The following CUX1 variants were observed in gnomAD, a reference collection of about 807,000 sequenced individuals.
CUX1 encodes protein CASP.
A neutral mutation model predicts 158.8 loss-of-function variants in CUX1; 31 were observed. That is an observed-to-expected ratio of 0.20 (90% CI 0.15 to 0.26). CUX1 has a LOEUF of 0.26. CUX1 is among the 10% of genes least tolerant of loss of function. The pLI is 1.00. For synonymous variants in CUX1, 879 were observed against 862.1 expected, an observed-to-expected ratio of 1.02 and a Z score of -0.34; for missense variants, 1,589 against 2,014.6, an observed-to-expected ratio of 0.79 and a Z score of 4.04.
intron 2 of CUX1, among the ~76,000 whole-genome samples, chr7:101,983,141 TTA>T (rs1813690673): frequency 6.6e-6 from 1 of 152,174 alleles, no homozygotes; most frequent in Non-Finnish European, 1.5e-5. Context: ...ACGGAGATGT[TTA>T]TGTCATTGGC....
chr7:102,270,940 C>A (rs1280741299), intron 14 of CUX1, among the ~76,000 whole-genome samples: 1 of 152,200 alleles, frequency 6.6e-6, no homozygotes, highest in Non-Finnish European at 1.5e-5. Flanking sequence ...GGCCCACGCA[C>A]CCCATCATCT....
intron 2 of CUX1, among the ~76,000 whole-genome samples, chr7:102,009,622 C>G (rs910991088): frequency 1.3e-5 from 2 of 152,220 alleles, no homozygotes; most frequent in Non-Finnish European, 1.5e-5. Context: ...TAAAATAATT[C>G]AGGTGAGTTC....
intron 8 of CUX1, among the ~76,000 whole-genome samples, chr7:102,149,199 C>T (rs1835348107): frequency 6.6e-6 from 1 of 152,120 alleles, no homozygotes; most frequent in Admixed American, 6.6e-5. Flanking sequence ...ACAGCCGTAC[C>T]TCTCTATCCC....
At chr7:101,930,926 G>A (rs1381029344) in intron 2 of CUX1, among the ~76,000 whole-genome samples, 4 of 152,116 alleles carry the variant, frequency 2.6e-5, no homozygotes, top group Admixed American at 6.5e-5. Flanking sequence ...GCGAAACCCC[G>A]TCTCTACTAA....
At chr7:101,897,121 C>T (rs911178220) in intron 1 of CUX1, among the ~76,000 whole-genome samples, 5 of 152,236 alleles carry the variant, frequency 3.3e-5, no homozygotes, top group South Asian at 4.1e-4. Flanking sequence ...CTATTTAGGA[C>T]GCATCTGCGA....
At chr7:102,164,684 G>A (rs1441095388) in intron 9 of CUX1, among the ~76,000 whole-genome samples, 1 of 152,184 alleles carries the variant, frequency 6.6e-6, no homozygotes, top group African/African-American at 2.4e-5. Context: ...AGCTGTTCCC[G>A]ACCTCCTTCC....
intron 5 of CUX1, among the ~76,000 whole-genome samples, chr7:102,100,968 C>CT (rs1829709241): frequency 6.6e-6 from 1 of 152,120 alleles, no homozygotes. Flanking sequence ...CCTCAGGAAG[C>CT]TTTTACTCAT....
At position 102,277,838 on chromosome 7, in the gene CUX1, C is replaced by T. The variant is rs1791713475; in HGVS notation, c.1564-111C>T. On this transcript the variant is annotated intron_variant, in intron 17 of 22. Coordinates refer to the CUX1 transcript ENST00000292538. Reference sequence around the variant, plus strand: ...GAAGGGGCAGCTTTACAGAGTCAGGCAGGTCAAGGAGAAGGCTGTGGGCAC... The same window carrying T: ...GAAGGGGCAGCTTTACAGAGTCAGGTAGGTCAAGGAGAAGGCTGTGGGCAC... 12 of 566,282 alleles carry T rather than the reference C, an allele frequency of 2.1e-5. No homozygotes were observed. The South Asian group carries it at 3.3e-4, about 16-fold the overall frequency. 35.1% of individuals were successfully genotyped at this position (566,282 alleles called of 1,614,324 possible).
chr7:102,040,281 G>A (rs1380174317), intron 3 of CUX1, among the ~76,000 whole-genome samples: 3 of 152,172 alleles, frequency 2.0e-5, no homozygotes, highest in Non-Finnish European at 4.4e-5. Flanking sequence ...CAGGGAGGAT[G>A]ACGGAACATC....
At chr7:102,171,051 C>T (rs1050160316) in intron 10 of CUX1, among the ~76,000 whole-genome samples, 1 of 152,196 alleles carries the variant, frequency 6.6e-6, no homozygotes, top group South Asian at 2.1e-4. Flanking sequence ...GGGTATCACA[C>T]CACTTTTTTG....
chr7:101,870,138 T>C, intron 1 of CUX1, among the ~76,000 whole-genome samples: 1 of 138,444 alleles, frequency 7.2e-6, no homozygotes, highest in Non-Finnish European at 1.5e-5. Flanking sequence ...GGCCCTGATG[T>C]TTAGTGTTTT....
At position 101,869,065 on chromosome 7, in the gene CUX1, G is replaced by A. The variant is rs1008019753; in HGVS notation, c.31-47050G>A. ...CTGGGGTGGAGACTTCCTGGCTTCC[G>A]AGGGCGGGCGAGGGGGCAAAGGGCC... On this transcript the variant is annotated intron_variant, in intron 1 of 23. Coordinates refer to ENST00000292535, the MANE Select transcript of CUX1 (RefSeq NM_181552.4). The surrounding 1 kb of genome is among the most constrained non-coding windows in gnomAD (Gnocchi z 4.5). Among the ~76,000 whole-genome samples, 13 of 134,376 alleles carry A rather than the reference G, an allele frequency of 9.7e-5. 1 individual carries two copies. Among genetic ancestry groups the A allele is most frequent in the Admixed American group, 6.0e-4 (7 of 11,648 alleles). 88.2% of individuals were successfully genotyped at this position (134,376 alleles called of 152,430 possible). A position where few individuals can be genotyped will look rare whatever the true frequency, so the allele number is the denominator to read the frequency against.
chr7:102,196,222 A>C (rs903970810), intron 14 of CUX1, among the ~76,000 whole-genome samples: 5 of 152,202 alleles, frequency 3.3e-5, no homozygotes, highest in African/African-American at 1.2e-4. Flanking sequence ...ATCGCCTCAG[A>C]GCAAGAGGTG....
intron 2 of CUX1, among the ~76,000 whole-genome samples, chr7:101,999,568 C>T (rs752259746): frequency 6.6e-6 from 1 of 152,132 alleles, no homozygotes; most frequent in Non-Finnish European, 1.5e-5. Context: ...CTCGAAGCAC[C>T]CCACGATTAG....
intron 2 of CUX1, among the ~76,000 whole-genome samples, chr7:101,986,031 G>A (rs1023466421): frequency 8.5e-5 from 13 of 152,300 alleles, no homozygotes; most frequent in Non-Finnish European, 1.3e-4. Flanking sequence ...TTCTGACTGC[G>A]GGGACCTGGG....
intron 23 of CUX1, among the ~76,000 whole-genome samples, chr7:102,245,954 AGAGT>A (rs1800763075): frequency 1.3e-5 from 2 of 151,610 alleles, no homozygotes; most frequent in Admixed American, 6.6e-5. Flanking sequence ...CCTGGGCGTC[AGAGT>A]GAGACTCCCT....
intron 7 of CUX1, among the ~76,000 whole-genome samples, chr7:102,112,578 T>G (rs1424305304): frequency 8.2e-5 from 2 of 24,442 alleles, no homozygotes; most frequent in Non-Finnish European, 1.9e-4. Context: ...TTTGTTTTTG[T>G]TTTTTTTTTG....
intron 20 of CUX1, among the ~76,000 whole-genome samples, chr7:102,221,737 TAAA>T (rs60706791): frequency 7.5e-4 from 100 of 134,050 alleles, no homozygotes; most frequent in African/African-American, 2.4e-3. Flanking sequence ...CAGTGCCTTG[TAAA>T]AAAAAAAAAA....
chr7:102,178,449 A>G lies in CUX1; in HGVS notation c.829-20A>G. ...GCCTCAAGGCCAGCGCAGTTTTGTC[A>G]TCTCTTTTCTCCTCCCCAGGAGCAG... is the stretch of plus-strand genomic sequence containing the variant. On this transcript the variant is annotated intron_variant, in intron 10 of 23. Coordinates refer to ENST00000292535, the MANE Select transcript of CUX1 (RefSeq NM_181552.4). 2 of 1,574,730 alleles carry G rather than the reference A, an allele frequency of 1.3e-6. No individual in the cohort carries two copies. Among genetic ancestry groups the G allele is most frequent in the Non-Finnish European group, 1.7e-6 (2 of 1,153,948 alleles).
Sources: allele counts gnomAD v4.1 joint callset (sites outside exome capture counted in the v4.1 genomes callset), GRCh38; gene constraint gnomAD v4.1.1; non-coding constraint Gnocchi (gnomAD v3.1); transcripts MANE v1.5; gene names NCBI Gene and HGNC (gene_info 2026-07-23, HGNC 2026-07-21).